ARL2BP: variants seen among roughly 807,000 people sequenced by gnomAD.
ARL2BP encodes ADP-ribosylation factor-like protein 2-binding protein.
Under a neutral mutation model 24.2 loss-of-function variants are expected in ARL2BP, and 19 were observed. The observed-to-expected ratio is 0.79, with a 90% CI of 0.55 to 1.15. ARL2BP has a LOEUF of 1.15. ARL2BP is among the 50% of genes most tolerant of loss of function. The probability of loss-of-function intolerance (pLI) is 0.00; values close to 1 mark genes in which losing one functional copy is unlikely to be tolerated. For synonymous variants in ARL2BP, 56 were observed against 70.5 expected (o/e 0.79, Z 1.03); for missense variants, 160 against 190.4 (o/e 0.84, Z 0.94).
At chr16:57,249,470 A>G in intron 3 of ARL2BP, 1 of 364,846 alleles carries the variant, frequency 2.7e-6, no homozygotes, top group Non-Finnish European at 5.0e-6. Flanking sequence ...GCCCCCACTT[A>G]CTGCATCCTG....
At chr16:57,246,664 C>T (rs1223218650) in intron 2 of ARL2BP, among the ~76,000 whole-genome samples, 1 of 151,968 alleles carries the variant, frequency 6.6e-6, no homozygotes. Flanking sequence ...ATTAGCCGGG[C>T]GTGGTAGCGG....
intron 3 of ARL2BP, 74 bp from the exon 4 acceptor site, chr16:57,249,693 C>A: frequency 1.7e-6 from 2 of 1,197,564 alleles, no homozygotes; most frequent in Non-Finnish European, 1.2e-6. Flanking sequence ...TTAGAAAGGG[C>A]TGGGCAGGCT....
At chr16:57,249,660 G>A (rs2075401239) in intron 3 of ARL2BP, 107 bp from the exon 4 acceptor site, 1 of 849,304 alleles carries the variant, frequency 1.2e-6, no homozygotes, top group Non-Finnish European at 2.0e-6. Context: ...TGTAGATTGT[G>A]GCACACAGAC....
At chr16:57,245,462 C>T in intron 1 of ARL2BP, 57 bp downstream of exon 1, 3 of 1,582,894 alleles carry the variant, frequency 1.9e-6, no homozygotes, top group South Asian at 2.3e-5. Context: ...GGGCGTTCGC[C>T]CCGGGGCCTG....
In ARL2BP at chr16:57,252,431, AC is replaced by A; in HGVS notation, c.*166del. 1 of 1,324,408 alleles carries A rather than the reference AC, an allele frequency of 7.6e-7. No homozygotes were observed. The highest frequency in any genetic ancestry group is 1.0e-6 in the Non-Finnish European group (1 of 972,144). The allele number at this position is 1,324,408 out of a possible 1,614,324, so 82.0% of individuals were successfully genotyped here. A position where few individuals can be genotyped will look rare whatever the true frequency, so the allele number is the denominator to read the frequency against. ...AACCAAAATGACCTAACCCTCCTGG[AC>A]CTATTTATCCTGAAACACCTTCTTG... On this transcript the variant is annotated 3_prime_UTR_variant, in exon 6 of 6. Transcript: ENST00000219204.
At position 57,245,288 on chromosome 16, in the gene ARL2BP, G is replaced by T; in HGVS notation, c.-80G>T. On this transcript the variant is annotated 5_prime_UTR_variant, in exon 1 of 6. Coordinates refer to ENST00000219204, the MANE Select transcript of ARL2BP (RefSeq NM_012106.4). Reference sequence around the variant, plus strand: ...AGCTGGCCGCGGCCTTGGCTGAGAGGCCTTAACCCCGCCGGGCGGCCGCGC... The same window carrying T: ...AGCTGGCCGCGGCCTTGGCTGAGAGTCCTTAACCCCGCCGGGCGGCCGCGC... The T allele has an allele frequency of 6.5e-7, 1 of 1,534,302 alleles. No homozygotes were observed. Among genetic ancestry groups the T allele is most frequent in the Non-Finnish European group, 8.8e-7 (1 of 1,130,962 alleles).
chr16:57,250,371 C>G, intron 4 of ARL2BP, 40 bp from the exon 5 acceptor site: 2 of 1,548,706 alleles, frequency 1.3e-6, no homozygotes, highest in African/African-American at 2.7e-5. Flanking sequence ...AGGACTGTCT[C>G]ATCATTCATT....
At chr16:57,250,785 T>A (rs552920780) in intron 5 of ARL2BP, 122 of 384,686 alleles carry the variant, frequency 3.2e-4, no homozygotes, top group Non-Finnish European at 4.3e-4. Context: ...TTATTTATTT[T>A]TTTTTTTGAG....
rs757076969 is a variant in ARL2BP at position 57,249,859 on chromosome 16, T to G, written c.293+7T>G. Reference sequence around the variant, plus strand: ...CCTTCACCACAACATTACAGTGAGTTGAGCTTGACTGATTTTTGTGTTTTG... The same window carrying G: ...CCTTCACCACAACATTACAGTGAGTGGAGCTTGACTGATTTTTGTGTTTTG... On this transcript the variant is annotated splice_region_variant and intron_variant, in intron 4 of 5. Transcript: ENST00000219204. 1.9e-6 allele frequency: 3 copies of G among 1,613,218 alleles called. No individual in the cohort carries two copies. The South Asian group carries it at 3.3e-5, about 18-fold the overall frequency.
At chr16:57,250,286 T>C in intron 4 of ARL2BP, 125 bp from the exon 5 acceptor site, 1 of 771,572 alleles carries the variant, frequency 1.3e-6, no homozygotes, top group Non-Finnish European at 2.1e-6. Flanking sequence ...CAAGACCCAG[T>C]CTCTAAAAAA....
intron 1 of ARL2BP, 36 bp from the exon 2 acceptor site, chr16:57,246,044 A>T: frequency 6.2e-7 from 1 of 1,605,522 alleles, no homozygotes; most frequent in Admixed American, 1.7e-5. Flanking sequence ...TTAATGCATT[A>T]TTTGAAATAG....
intron 1 of ARL2BP, among the ~76,000 whole-genome samples, 195 bp downstream of exon 1, chr16:57,245,600 G>A (rs1451249367): frequency 6.6e-6 from 1 of 152,136 alleles, no homozygotes; most frequent in Non-Finnish European, 1.5e-5. Flanking sequence ...TTCAGGCCCC[G>A]CAGGACAGGA....
In ARL2BP at chr16:57,250,901, G is replaced by A. The variant is rs141051318; in HGVS notation, c.390+394G>A. On this transcript the variant is annotated intron_variant, in intron 5 of 5. Transcript: ENST00000219204. ...AGCAATACTCCTGCCTCAGCCTCCC[G>A]AGTAGCTGATACTACAGGCACCTGC... is the stretch of plus-strand genomic sequence containing the variant. 1,538 of 175,110 alleles carry A rather than the reference G, an allele frequency of 8.8e-3. 13 individuals carry two copies. Among genetic ancestry groups the A allele is most frequent in the African/African-American group, 0.033 (1,371 of 41,754 alleles). 10.8% of individuals were successfully genotyped at this position (175,110 alleles called of 1,614,324 possible).
chr16:57,245,536 A>C (rs2075387565), intron 1 of ARL2BP, 131 bp downstream of exon 1: 1 of 1,221,212 alleles, frequency 8.2e-7, no homozygotes, highest in South Asian at 1.3e-5. Context: ...GGGGGCCGCC[A>C]AGGCGCCGTC....
rs1310892762 is a variant in ARL2BP, at chr16:57,249,555, C to G, written c.208-212C>G. ...TCAGAGCATCCACCCTGTTACAGCA[C>G]CATTATCAGCTAAGGCTTCTCTTCC... On this transcript the variant is annotated intron_variant, in intron 3 of 5. Coordinates refer to ENST00000219204, the MANE Select transcript of ARL2BP (RefSeq NM_012106.4). 16 of 566,054 alleles carry G rather than the reference C, an allele frequency of 2.8e-5. No homozygotes were observed. In the African/African-American group the frequency reaches 3.0e-4, roughly 11 times the overall value. The allele number at this position is 566,054 out of a possible 1,614,324, so 35.1% of individuals were successfully genotyped here. A position where few individuals can be genotyped will look rare whatever the true frequency, so the allele number is the denominator to read the frequency against.
At chr16:57,249,945 C>T (rs770389342) in intron 4 of ARL2BP, 93 bp downstream of exon 4, 55 of 1,154,790 alleles carry the variant, frequency 4.8e-5, no homozygotes, top group Non-Finnish European at 6.7e-5. Context: ...TGTTTGTTTT[C>T]CTGTGCATGC....
intron 2 of ARL2BP, among the ~76,000 whole-genome samples, chr16:57,247,634 C>T (rs2075394374): frequency 6.6e-6 from 1 of 152,102 alleles, no homozygotes. Flanking sequence ...TGATAACTAC[C>T]ATAAACCATT....
chr16:57,249,884 G>T, intron 4 of ARL2BP, 32 bp downstream of exon 4: 2 of 1,602,972 alleles, frequency 1.2e-6, no homozygotes, highest in Non-Finnish European at 1.7e-6. Context: ...TTTGTGTTTT[G>T]TTTTGTTTTC....
At chr16:57,250,085 G>A (rs2075402613) in intron 4 of ARL2BP, 2 of 598,240 alleles carry the variant, frequency 3.3e-6, no homozygotes, top group Non-Finnish European at 5.9e-6. Flanking sequence ...CTTGAGCCCA[G>A]GAGTTCAAGA....
Sources: allele counts gnomAD v4.1 joint callset (sites outside exome capture counted in the v4.1 genomes callset), GRCh38; gene constraint gnomAD v4.1.1; transcripts MANE v1.5; gene names NCBI Gene and HGNC (gene_info 2026-07-23, HGNC 2026-07-21).